Variants in SLC2A13 observed in about 807,000 individuals in gnomAD.
SLC2A13 encodes proton myo-inositol cotransporter.
In SLC2A13, 32 loss-of-function variants were observed where a neutral mutation model predicts 64.4. That is an observed-to-expected ratio of 0.50 (90% CI 0.37 to 0.67). The LOEUF is 0.67. Among genes scored for constraint, SLC2A13 ranks in the 30% least tolerant of loss-of-function variants. The pLI, the probability that SLC2A13 is intolerant of heterozygous loss-of-function variation, is 0.00. For synonymous variants in SLC2A13, 338 were observed against 327.1 expected, an observed-to-expected ratio of 1.03 and a Z score of -0.36; for missense variants, 743 against 829.2, an observed-to-expected ratio of 0.90 and a Z score of 1.28.
chr12:39,766,966 T>C (rs912448532), intron 7 of SLC2A13, among the ~76,000 whole-genome samples: 2 of 152,118 alleles, frequency 1.3e-5, no homozygotes, highest in Non-Finnish European at 2.9e-5. Context: ...GAACAACTTC[T>C]TGCAAACTTC....
chr12:39,917,477 T>C (rs1767478708), intron 4 of SLC2A13, among the ~76,000 whole-genome samples: 1 of 152,094 alleles, frequency 6.6e-6, no homozygotes, highest in South Asian at 2.1e-4. Context: ...AGGGTGTTTC[T>C]GGGTGAAGTT....
intron 2 of SLC2A13, among the ~76,000 whole-genome samples, chr12:40,046,903 TTTC>T (rs1948179638): frequency 6.6e-6 from 1 of 151,874 alleles, no homozygotes; most frequent in Non-Finnish European, 1.5e-5. Flanking sequence ...TTTTTCTTTC[TTTC>T]TTTTTTTTTT....
intron 3 of SLC2A13, among the ~76,000 whole-genome samples, chr12:39,984,671 C>G (rs527346324): frequency 4.6e-5 from 7 of 152,222 alleles, no homozygotes; most frequent in Admixed American, 2.0e-4. Flanking sequence ...AAGCCATTTA[C>G]TTCTTTGATG....
intron 3 of SLC2A13, among the ~76,000 whole-genome samples, chr12:40,021,421 A>G (rs371517339): frequency 1.3e-4 from 20 of 152,346 alleles, no homozygotes; most frequent in Middle Eastern, 3.4e-3. Context: ...GCCTAAGAAA[A>G]TAAGTTTTAC....
intron 1 of SLC2A13, among the ~76,000 whole-genome samples, chr12:40,081,025 GC>G (rs538028147): frequency 5.3e-5 from 8 of 152,124 alleles, no homozygotes; most frequent in Non-Finnish European, 1.0e-4. Flanking sequence ...CTGAATATAA[GC>G]CCCCCAATCT....
At chr12:40,070,162 A>C (rs1937898677) in intron 1 of SLC2A13, among the ~76,000 whole-genome samples, 1 of 152,074 alleles carries the variant, frequency 6.6e-6, no homozygotes, top group Non-Finnish European at 1.5e-5. Flanking sequence ...CAGGAAAAAA[A>C]AAAAAAACTC....
Position 40,105,554 on chromosome 12 carries a change from G to C in SLC2A13, c.255C>G (p.Ala85=), listed in dbSNP as rs1043063467. ...DETPAFVYVV[A]VFSALGGFLF... Reference sequence around the variant, plus strand: ...GGAAGCCGCCCAGCGCGGAGAAGACGGCCACCACGTACACGAAGGCGGGGG... The same window carrying C: ...GGAAGCCGCCCAGCGCGGAGAAGACCGCCACCACGTACACGAAGGCGGGGG... Residue 85 remains alanine, a synonymous_variant, in exon 1 of 10, where the codon GCC becomes GCG. Transcript: ENST00000280871. This position sits in a 1 kb window ranked among gnomAD's most constrained non-coding sequence, Gnocchi z 4.2. The C allele has an allele frequency of 5.7e-6, 9 of 1,578,072 alleles. No individual in the cohort carries two copies. In the African/African-American group the frequency reaches 6.9e-5, roughly 12 times the overall value.
intron 3 of SLC2A13, among the ~76,000 whole-genome samples, chr12:39,958,286 G>C (rs969643365): frequency 3.9e-5 from 6 of 152,116 alleles, no homozygotes; most frequent in Admixed American, 3.9e-4. Context: ...TGTCTGGCTG[G>C]CATCCATCTC....
At chr12:40,035,009 C>T (rs1947958241) in intron 2 of SLC2A13, among the ~76,000 whole-genome samples, 1 of 152,190 alleles carries the variant, frequency 6.6e-6, no homozygotes. Context: ...ATAAACAGGA[C>T]AGTGAAACAT....
In SLC2A13 at chr12:39,792,913, T is replaced by G. The variant is rs1280593205; in HGVS notation, c.1446-28055A>C. ...ATGTGGGGCTTCTCTTTCTACTTTC[T>G]CTATGGTATCTTTTTGTGAACCAAA... On this transcript the variant is annotated intron_variant, in intron 7 of 9. Transcript: ENST00000280871. 2.0e-5 allele frequency among the ~76,000 whole-genome samples: 3 copies of G among 152,188 alleles called. No individual in the cohort carries two copies. In the South Asian group the frequency reaches 6.2e-4, roughly 31 times the overall value.
chr12:40,058,948 C>T (rs1948375758), intron 1 of SLC2A13, among the ~76,000 whole-genome samples: 1 of 152,170 alleles, frequency 6.6e-6, no homozygotes, highest in African/African-American at 2.4e-5. Flanking sequence ...GTATTACTCT[C>T]CATGGCTAAT....
intron 5 of SLC2A13, among the ~76,000 whole-genome samples, chr12:39,866,334 T>C (rs761856957): frequency 1.3e-4 from 20 of 152,222 alleles, no homozygotes; most frequent in Non-Finnish European, 2.8e-4. Flanking sequence ...CTGTAGTTTT[T>C]AGCTAGCTTT....
chr12:39,789,536 A>G (rs1425523511), intron 7 of SLC2A13, among the ~76,000 whole-genome samples: 3 of 152,168 alleles, frequency 2.0e-5, no homozygotes, highest in African/African-American at 7.2e-5. Context: ...CATGTGTGCA[A>G]GGGTTTCTCT....
intron 1 of SLC2A13, among the ~76,000 whole-genome samples, chr12:40,095,112 T>C (rs1363041916): frequency 6.6e-6 from 1 of 152,240 alleles, no homozygotes; most frequent in Non-Finnish European, 1.5e-5. Context: ...TGCTAATTCA[T>C]GCAATGAGTT....
At chr12:39,959,710 T>A (rs1000759779) in intron 3 of SLC2A13, among the ~76,000 whole-genome samples, 4 of 152,038 alleles carry the variant, frequency 2.6e-5, no homozygotes, top group Non-Finnish European at 5.9e-5. Flanking sequence ...GTCATGGGAG[T>A]GTGGTATGTT....
At chr12:39,845,195 A>G (rs1278872404) in intron 6 of SLC2A13, among the ~76,000 whole-genome samples, 1 of 151,942 alleles carries the variant, frequency 6.6e-6, no homozygotes, top group East Asian at 1.9e-4. Context: ...AATATAGGTT[A>G]GGTTATTTTA....
In SLC2A13 at chr12:39,759,711, T is replaced by C. The variant is rs2135705418; in HGVS notation, c.*315A>G. ...TGTTGCCACTAATAATTATAAATGGTCTTAGGAAAAAAGGATACCACTGAA... is the reference window on the plus strand; with the variant it reads ...TGTTGCCACTAATAATTATAAATGGCCTTAGGAAAAAAGGATACCACTGAA... On this transcript the variant is annotated 3_prime_UTR_variant, in exon 10 of 10. Transcript: ENST00000280871. 1 of 253,908 alleles carries C rather than the reference T, an allele frequency of 3.9e-6. No homozygotes were observed. The highest frequency in any genetic ancestry group is 9.9e-5 in the East Asian group (1 of 10,106). The allele number at this position is 253,908 out of a possible 1,614,324, so 15.7% of individuals were successfully genotyped here.
intron 7 of SLC2A13, among the ~76,000 whole-genome samples, chr12:39,783,316 T>A (rs1566783767): frequency 6.6e-6 from 1 of 152,240 alleles, no homozygotes; most frequent in Non-Finnish European, 1.5e-5. Context: ...TTGTGAATAG[T>A]GCCGCAATAA....
chr12:39,859,971 C>G (rs1943714065), intron 6 of SLC2A13, among the ~76,000 whole-genome samples: 1 of 152,124 alleles, frequency 6.6e-6, no homozygotes, highest in Non-Finnish European at 1.5e-5. Context: ...CCTTGAATTA[C>G]CTAATTGTAC....
Sources: allele counts gnomAD v4.1 joint callset (sites outside exome capture counted in the v4.1 genomes callset), GRCh38; gene constraint gnomAD v4.1.1; non-coding constraint Gnocchi (gnomAD v3.1); transcripts MANE v1.5; gene names NCBI Gene and HGNC (gene_info 2026-07-23, HGNC 2026-07-21).